Variants in STAG3 observed in about 807,000 individuals in gnomAD.
STAG3 encodes cohesin subunit SA-3.
A neutral mutation model predicts 160.7 loss-of-function variants in STAG3; 101 were observed. That is an observed-to-expected ratio of 0.63 (90% CI 0.54 to 0.74). STAG3 has a LOEUF of 0.74. STAG3 is among the 30% of genes least tolerant of loss of function. The pLI, the probability that STAG3 is intolerant of heterozygous loss-of-function variation, is 0.00. For missense variants in STAG3, 1,188 were observed against 1,517.4 expected, an observed-to-expected ratio of 0.78 and a Z score of 3.61; for synonymous variants, 519 against 585.0, an observed-to-expected ratio of 0.89 and a Z score of 1.63.
intron 9 of STAG3, 126 bp downstream of exon 9, chr7:100,195,508 G>A: frequency 1.2e-6 from 1 of 820,470 alleles, no homozygotes; most frequent in East Asian, 2.6e-5. Flanking sequence ...TGCAGCTGGA[G>A]CAAAAATTCT....
chr7:100,216,627 C>T (rs140266183), downstream of STAG3, among the ~76,000 whole-genome samples: 28 of 152,028 alleles, frequency 1.8e-4, no homozygotes, highest in African/African-American at 5.3e-4. Flanking sequence ...GGTGAAACCC[C>T]GTCTCTACTA....
intron 29 of STAG3, among the ~76,000 whole-genome samples, chr7:100,205,827 C>T (rs113959444): frequency 1.1e-3 from 157 of 145,222 alleles, no homozygotes; most frequent in Non-Finnish European, 1.8e-3. Flanking sequence ...GAGACTCTGT[C>T]TCAAAAAAAA....
chr7:100,198,961 A>G lies in STAG3; in HGVS notation c.1467+4A>G. On this transcript the variant is annotated splice_donor_region_variant and intron_variant, in intron 14 of 33. Transcript: ENST00000615138. ...GTCCTTCTTTGTGGAGAGCGAGGTG[A>G]CATACACAGAGAGAAGTCTGGCTGT... is the stretch of plus-strand genomic sequence containing the variant. 1.2e-6 allele frequency: 2 copies of G among 1,608,384 alleles called. No homozygotes were observed. The highest frequency in any genetic ancestry group is 2.2e-5 in the South Asian group (2 of 90,812).
chr7:100,186,050 T>A (rs1799980668), intron 4 of STAG3, 150 bp from the exon 5 acceptor site: 1 of 716,330 alleles, frequency 1.4e-6, no homozygotes, highest in African/African-American at 1.8e-5. Context: ...CTATATGAAA[T>A]TTTACCTTTC....
chr7:100,189,689 A>G, intron 8 of STAG3, 93 bp downstream of exon 8: 1 of 1,416,044 alleles, frequency 7.1e-7, no homozygotes, highest in South Asian at 1.4e-5. Flanking sequence ...GCAGTCTTTC[A>G]AGATCATGAA....
At chr7:100,181,030 A>T (rs1007242798) in intron 2 of STAG3, 11 of 177,578 alleles carry the variant, frequency 6.2e-5, no homozygotes, top group Non-Finnish European at 1.3e-4. Context: ...CCTCTCTTAA[A>T]CACATTTCTA....
At chr7:100,195,527 A>G (rs1384529628) in intron 9 of STAG3, 145 bp downstream of exon 9, 5 of 686,294 alleles carry the variant, frequency 7.3e-6, no homozygotes, top group Non-Finnish European at 1.2e-5. Context: ...CTTGACAACA[A>G]ATGTTTCAAA....
chr7:100,205,707 G>A (rs887435773), intron 29 of STAG3, among the ~76,000 whole-genome samples: 4 of 151,850 alleles, frequency 2.6e-5, no homozygotes, highest in Non-Finnish European at 4.4e-5. Flanking sequence ...GCGCGCATCT[G>A]TAATCCCAAC....
chr7:100,182,321 T>C, intron 3 of STAG3, 129 bp downstream of exon 3: 1 of 648,080 alleles, frequency 1.5e-6, no homozygotes, highest in East Asian at 2.9e-5. Flanking sequence ...ATTGCGCCCC[T>C]GCACTCTAGC....
intron 18 of STAG3, 96 bp downstream of exon 18, chr7:100,200,638 A>G: frequency 6.5e-7 from 1 of 1,539,726 alleles, no homozygotes; most frequent in Non-Finnish European, 8.9e-7. Flanking sequence ...TGGGTTCCAG[A>G]AAAATCAGCA....
intron 32 of STAG3, chr7:100,212,169 C>T (rs1179610027): frequency 1.7e-5 from 5 of 286,512 alleles, no homozygotes; most frequent in Non-Finnish European, 3.3e-5. Flanking sequence ...GGAAGGAGTC[C>T]TAATGCTGGA....
Position 100,200,222 on chromosome 7 carries a change from G to C in STAG3, c.1678-14G>C. 7.5e-6 allele frequency: 12 copies of C among 1,605,694 alleles called. No homozygotes were observed. The highest frequency in any genetic ancestry group is 1.0e-5 in the Non-Finnish European group (12 of 1,176,044). The stretch of plus-strand genomic sequence containing the variant: ...CTTTACACCTCCCCCACCCCCAAGT[G>C]ACTCTCATTCCAGGGCTTAACCTCT... On this transcript the variant is annotated splice_polypyrimidine_tract_variant and intron_variant, in intron 16 of 33. Coordinates refer to ENST00000615138, the MANE Select transcript of STAG3 (RefSeq NM_001282717.2).
downstream of STAG3, among the ~76,000 whole-genome samples, chr7:100,216,888 T>C (rs1237140751): frequency 2.6e-5 from 4 of 152,202 alleles, no homozygotes; most frequent in Non-Finnish European, 5.9e-5. Flanking sequence ...AGTTACCGCT[T>C]TTTAAATAGA....
At chr7:100,212,191 A>C in intron 32 of STAG3, 1 of 250,050 alleles carries the variant, frequency 4.0e-6, no homozygotes, top group East Asian at 1.0e-4. Context: ...GTGGGAGGTC[A>C]TTCAGTCCAA....
At chr7:100,213,588 A>G (rs573222927) in intron 32 of STAG3, 147 bp from the exon 33 acceptor site, 127 of 1,487,224 alleles carry the variant, frequency 8.5e-5, no homozygotes, top group Middle Eastern at 1.8e-4. Flanking sequence ...CCTGGTGCCC[A>G]CACTGACTTC....
chr7:100,205,771 C>T (rs1024184088), intron 29 of STAG3, among the ~76,000 whole-genome samples: 1 of 150,126 alleles, frequency 6.7e-6, no homozygotes, highest in African/African-American at 2.4e-5. Context: ...CGGAGGTTGC[C>T]GTGAGCTGAG....
chr7:100,189,423 A>AT, intron 7 of STAG3, 22 bp from the exon 8 acceptor site: 1 of 1,603,486 alleles, frequency 6.2e-7, no homozygotes, highest in Non-Finnish European at 8.5e-7. Flanking sequence ...TGATTTCTTT[A>AT]TCTCTTTTTC....
rs201655085 is a variant in STAG3, at chr7:100,195,294, C to A, written c.868-15C>A. 67 of 1,613,262 alleles carry A rather than the reference C, an allele frequency of 4.2e-5. No homozygotes were observed. The highest frequency in any genetic ancestry group is 1.6e-4 in the Middle Eastern group (1 of 6,080). On this transcript the variant is annotated splice_polypyrimidine_tract_variant and intron_variant, in intron 8 of 33. Coordinates refer to ENST00000615138, the MANE Select transcript of STAG3 (RefSeq NM_001282717.2). ...GGGTACAAGAAAGATTAACCCGTTTCTCCCTGTCCTCCAGCTCCAAGAGCA... is the reference window on the plus strand; with the variant it reads ...GGGTACAAGAAAGATTAACCCGTTTATCCCTGTCCTCCAGCTCCAAGAGCA...
intron 1 of STAG3, among the ~76,000 whole-genome samples, chr7:100,179,519 C>T (rs980342345): frequency 6.6e-6 from 1 of 151,954 alleles, no homozygotes; most frequent in East Asian, 1.9e-4. Context: ...TCTACCACAC[C>T]CAGTGTGCAA....
Sources: gnomAD v4.1 joint callset for allele counts (sites outside exome capture counted in the v4.1 genomes callset) on GRCh38, gnomAD v4.1.1 for gene constraint, MANE v1.5 for transcripts, NCBI Gene and HGNC (gene_info 2026-07-23, HGNC 2026-07-21) for gene names.